PXDNL: variants seen among roughly 807,000 people sequenced by gnomAD.
PXDNL encodes the protein probable oxidoreductase PXDNL.
Under a neutral mutation model 150.8 loss-of-function variants are expected in PXDNL, and 145 were observed. That is an observed-to-expected ratio of 0.96 (90% confidence interval 0.84 to 1.10). PXDNL has a LOEUF of 1.10. Ranked by LOEUF, PXDNL falls within the 50% of genes least tolerant of loss-of-function variation. The pLI, the probability that PXDNL is intolerant of heterozygous loss-of-function variation, is 0.00. For synonymous variants in PXDNL, 757 were observed against 725.7 expected (o/e 1.04, Z -0.69); for missense variants, 2,087 against 1,873.9 (o/e 1.11, Z -2.10).
At chr8:51,797,617 G>C (rs553302332) in intron 1 of PXDNL, among the ~76,000 whole-genome samples, 4 of 152,180 alleles carry the variant, frequency 2.6e-5, no homozygotes, top group South Asian at 4.2e-4. Context: ...CAACTTACAA[G>C]GTACGTGAAT....
intron 2 of PXDNL, among the ~76,000 whole-genome samples, chr8:51,624,099 C>A (rs1296177627): frequency 3.4e-3 from 271 of 79,540 alleles, no homozygotes; most frequent in Middle Eastern, 0.012. Context: ...TCTCAAATTA[C>A]AAAAAAAAAA....
chr8:51,408,315 C>T lies in PXDNL; in HGVS notation c.3309G>A (p.Gly1103=), dbSNP rs773760051. The T allele has an allele frequency of 2.5e-6, 4 of 1,613,856 alleles. No homozygotes were observed. Among genetic ancestry groups the T allele is most frequent in the Middle Eastern group, 1.6e-4 (1 of 6,084 alleles). The change falls in exon 17 of 23, where the codon GGG becomes GGA. Residue 1103 remains glycine (G), a synonymous_variant. Coordinates refer to ENST00000356297, the MANE Select transcript of PXDNL (RefSeq NM_144651.5). ...GCCATTTAGCAGCCACGCCAAACAGCCCCCGGAGAACCGGGTCTATCCCAC... is the reference window on the plus strand; with the variant it reads ...GCCATTTAGCAGCCACGCCAAACAGTCCCCGGAGAACCGGGTCTATCCCAC... ...KEGGIDPVLR[G]LFGVAAKWRA...
intron 3 of PXDNL, among the ~76,000 whole-genome samples, chr8:51,590,375 A>G (rs1308422083): frequency 6.6e-6 from 1 of 152,076 alleles, no homozygotes; most frequent in Admixed American, 6.5e-5. Context: ...TGGGGCTGCC[A>G]CTGAGACCCC....
chr8:51,514,182 A>G (rs1404650294), intron 4 of PXDNL, among the ~76,000 whole-genome samples: 2 of 152,218 alleles, frequency 1.3e-5, no homozygotes, highest in Non-Finnish European at 2.9e-5. Flanking sequence ...TCTCAGCTGG[A>G]GCCATGAGAA....
intron 1 of PXDNL, among the ~76,000 whole-genome samples, chr8:51,660,216 C>T (rs1032569166): frequency 3.9e-5 from 6 of 151,938 alleles, no homozygotes; most frequent in South Asian, 2.1e-4. Context: ...AAATAGTGTG[C>T]GCAGTACAGA....
At chr8:51,559,968 A>G (rs1454203328) in intron 3 of PXDNL, among the ~76,000 whole-genome samples, 2 of 152,084 alleles carry the variant, frequency 1.3e-5, no homozygotes, top group Non-Finnish European at 2.9e-5. Flanking sequence ...CAAATCTGAT[A>G]CTAAATTTGA....
chr8:51,739,719 A>G (rs1024975991), intron 1 of PXDNL, among the ~76,000 whole-genome samples: 1 of 151,988 alleles, frequency 6.6e-6, no homozygotes, highest in Admixed American at 6.6e-5. Flanking sequence ...CTAAAAAAAA[A>G]TAAAAAATTA....
At chr8:51,731,448 T>C (rs150379636) in intron 1 of PXDNL, among the ~76,000 whole-genome samples, 1,721 of 152,350 alleles carry the variant, frequency 0.011, 39 homozygotes, top group African/African-American at 0.039. Flanking sequence ...AGCCCCCTCC[T>C]GGTTGCTTTC....
At chr8:51,489,798 C>A (rs1206190949) in intron 5 of PXDNL, among the ~76,000 whole-genome samples, 1 of 152,122 alleles carries the variant, frequency 6.6e-6, no homozygotes, top group Non-Finnish European at 1.5e-5. Flanking sequence ...ATAATACATA[C>A]AATTTCAGGC....
chr8:51,538,991 A>G (rs1812151959), intron 4 of PXDNL, among the ~76,000 whole-genome samples: 1 of 152,160 alleles, frequency 6.6e-6, no homozygotes, highest in South Asian at 2.1e-4. Flanking sequence ...GAATCATTAG[A>G]ATCTCCAATA....
chr8:51,558,539 T>A (rs1448951543), intron 3 of PXDNL, among the ~76,000 whole-genome samples: 2 of 152,092 alleles, frequency 1.3e-5, no homozygotes, highest in Admixed American at 1.3e-4. Flanking sequence ...ATTATTATCG[T>A]CAATTTTAAA....
At position 51,447,147 on chromosome 8, in the gene PXDNL, A is replaced by G. The variant is rs1376633823; in HGVS notation, c.1382T>C (p.Val461Ala). 1.2e-6 allele frequency: 2 copies of G among 1,613,800 alleles called. No homozygotes were observed. The highest frequency in any genetic ancestry group is 4.5e-5 in the East Asian group (2 of 44,858). Residue 461 changes from valine (V) to alanine (A), a missense_variant, in exon 12 of 23, where the codon GTG becomes GCG. Transcript: ENST00000356297. ...GGAGAGAACTGTATGCTGGCCTTCC[A>G]CAGGGAGCTGCCCTCCTGCAAAAAG... ...VWTKTGGQLP[V>A]EGQHTVLSSG...
intron 5 of PXDNL, 62 bp from the exon 6 acceptor site, chr8:51,483,776 C>T (rs1294602049): frequency 1.0e-6 from 1 of 975,400 alleles, no homozygotes; most frequent in Non-Finnish European, 1.5e-6. Flanking sequence ...CAAACAAAAC[C>T]TTTCTTTCAC....
At chr8:51,661,692 C>T (rs1413937178) in intron 1 of PXDNL, among the ~76,000 whole-genome samples, 1 of 152,208 alleles carries the variant, frequency 6.6e-6, no homozygotes, top group African/African-American at 2.4e-5. Flanking sequence ...TACACACGCA[C>T]ATCGCCTGCT....
At chr8:51,518,410 CAT>C (rs143039858) in intron 4 of PXDNL, among the ~76,000 whole-genome samples, 3 of 151,498 alleles carry the variant, frequency 2.0e-5, no homozygotes, top group Admixed American at 6.6e-5. Flanking sequence ...AAAACATATG[CAT>C]ATATATATAT....
chr8:51,524,632 TA>T (rs747443290), intron 4 of PXDNL, among the ~76,000 whole-genome samples: 11 of 151,490 alleles, frequency 7.3e-5, no homozygotes, highest in Non-Finnish European at 1.2e-4. Context: ...CACCATTAAC[TA>T]AAAAAAAAGA....
In PXDNL at chr8:51,642,785, A is replaced by C. The variant is rs1192882378; in HGVS notation, c.236+11904T>G. Among the ~76,000 whole-genome samples the C allele has an allele frequency of 2.6e-5, 4 of 152,234 alleles. No homozygotes were observed. The East Asian group carries it at 7.7e-4, about 29-fold the overall frequency. The stretch of plus-strand genomic sequence containing the variant: ...CTGCAGATGACATGACTGTATATTT[A>C]GAAAACCCCATTGTCTCAGCCCAAA... On this transcript the variant is annotated intron_variant, in intron 2 of 22. Transcript: ENST00000356297.
chr8:51,781,496 T>C (rs578036382), intron 1 of PXDNL, among the ~76,000 whole-genome samples: 1 of 152,328 alleles, frequency 6.6e-6, no homozygotes, highest in East Asian at 1.9e-4. Flanking sequence ...ACACCTCAGT[T>C]TTCCCGTGGC....
chr8:51,371,072 G>A (rs185958474), intron 19 of PXDNL, among the ~76,000 whole-genome samples: 18 of 152,322 alleles, frequency 1.2e-4, no homozygotes, highest in South Asian at 4.1e-4. Flanking sequence ...TGTCATTGGC[G>A]TCCAGAGGAA....
Sources: allele counts gnomAD v4.1 joint callset (sites outside exome capture counted in the v4.1 genomes callset), GRCh38; gene constraint gnomAD v4.1.1; transcripts MANE v1.5; gene names NCBI Gene and HGNC (gene_info 2026-07-23, HGNC 2026-07-21).